The following GPC5 variants were observed in gnomAD, a reference collection of about 807,000 sequenced individuals.
GPC5 encodes glypican 5, also known as glypican-5.
A neutral mutation model predicts 53.9 loss-of-function variants in GPC5; 47 were observed. The observed-to-expected ratio is 0.87, with a 90% confidence interval of 0.69 to 1.11. The LOEUF is 1.11. GPC5 is among the 50% of genes most tolerant of loss of function. The pLI is 0.00. For synonymous variants in GPC5, 286 were observed against 263.3 expected, an observed-to-expected ratio of 1.09 and a Z score of -0.84; for missense variants, 748 against 713.1, an observed-to-expected ratio of 1.05 and a Z score of -0.56.
At chr13:92,601,793 T>C (rs1231266819) in intron 7 of GPC5, among the ~76,000 whole-genome samples, 1 of 151,950 alleles carries the variant, frequency 6.6e-6, no homozygotes, top group Non-Finnish European at 1.5e-5. Context: ...TTTTAGAGGC[T>C]AAATTTGTGG....
intron 7 of GPC5, among the ~76,000 whole-genome samples, chr13:92,659,678 T>C (rs535318435): frequency 9.2e-5 from 14 of 152,302 alleles, no homozygotes; most frequent in African/African-American, 3.4e-4. Context: ...TTGGTGCAAT[T>C]ACTTCAATAA....
chr13:92,426,251 G>T (rs1876827867), intron 7 of GPC5, among the ~76,000 whole-genome samples: 1 of 152,040 alleles, frequency 6.6e-6, no homozygotes, highest in African/African-American at 2.4e-5. Flanking sequence ...AGCACTGAAA[G>T]TCACTCTATA....
intron 7 of GPC5, among the ~76,000 whole-genome samples, chr13:92,665,252 T>C (rs191840363): frequency 3.9e-5 from 6 of 152,298 alleles, no homozygotes; most frequent in South Asian, 2.1e-4. Flanking sequence ...GGACAGTGTT[T>C]AGTTTTTATG....
intron 5 of GPC5, among the ~76,000 whole-genome samples, chr13:91,843,029 T>A (rs1435265957): frequency 6.6e-6 from 1 of 152,196 alleles, no homozygotes; most frequent in Non-Finnish European, 1.5e-5. Flanking sequence ...TCTCCTTTTT[T>A]TCTATTTTTA....
At chr13:92,690,377 C>T (rs1465922355) in intron 7 of GPC5, among the ~76,000 whole-genome samples, 1 of 90,714 alleles carries the variant, frequency 1.1e-5, no homozygotes, top group African/African-American at 4.8e-5. Flanking sequence ...GAGGCTTCTG[C>T]ATTCTTCACG....
chr13:92,663,652 CTA>C (rs533228405), intron 7 of GPC5, among the ~76,000 whole-genome samples: 2,706 of 134,780 alleles, frequency 0.02, 87 homozygotes, highest in African/African-American at 0.07. Flanking sequence ...TATATATATA[CTA>C]TATATATATA....
intron 7 of GPC5, among the ~76,000 whole-genome samples, chr13:92,467,699 AT>A (rs1055079685): frequency 6.6e-6 from 1 of 152,082 alleles, no homozygotes. Flanking sequence ...CTAGAGTCGT[AT>A]TTTTAACTGC....
chr13:92,239,250 CTG>C (rs1288872494), intron 7 of GPC5, among the ~76,000 whole-genome samples: 3 of 151,348 alleles, frequency 2.0e-5, no homozygotes, highest in African/African-American at 4.9e-5. Context: ...AAGAAGCAAG[CTG>C]ACTTTTTAAT....
chr13:92,682,163 C>G (rs1180700965), intron 7 of GPC5, among the ~76,000 whole-genome samples: 2 of 152,178 alleles, frequency 1.3e-5, no homozygotes, highest in Non-Finnish European at 2.9e-5. Flanking sequence ...TAGACTGATT[C>G]AACTGAAGTT....
At chr13:92,112,175 G>A (rs1291452972) in intron 6 of GPC5, among the ~76,000 whole-genome samples, 1 of 152,036 alleles carries the variant, frequency 6.6e-6, no homozygotes, top group African/African-American at 2.4e-5. Flanking sequence ...AGCATCCAGG[G>A]GTTCAAAGAG....
chr13:92,182,144 A>T (rs1204117443), intron 7 of GPC5, among the ~76,000 whole-genome samples: 1 of 152,204 alleles, frequency 6.6e-6, no homozygotes, highest in African/African-American at 2.4e-5. Flanking sequence ...AGAGAAATTC[A>T]GAGCTAATGG....
intron 7 of GPC5, among the ~76,000 whole-genome samples, chr13:92,245,370 T>G (rs1161777856): frequency 6.6e-6 from 1 of 152,162 alleles, no homozygotes; most frequent in Non-Finnish European, 1.5e-5. Context: ...TTTCTACCAT[T>G]TATCCCCACT....
intron 1 of GPC5, among the ~76,000 whole-genome samples, chr13:91,399,532 C>T (rs1876767326): frequency 6.6e-6 from 1 of 152,172 alleles, no homozygotes; most frequent in Non-Finnish European, 1.5e-5. Flanking sequence ...AGTCTAACTC[C>T]GTTTCTCTTC....
chr13:91,863,328 A>G (rs2039050372), intron 5 of GPC5, among the ~76,000 whole-genome samples: 1 of 151,964 alleles, frequency 6.6e-6, no homozygotes, highest in Non-Finnish European at 1.5e-5. Flanking sequence ...CTATTTCTAG[A>G]TTCTGTTATT....
At chr13:92,357,708 G>A (rs896744305) in intron 7 of GPC5, among the ~76,000 whole-genome samples, 1 of 151,580 alleles carries the variant, frequency 6.6e-6, no homozygotes, top group Non-Finnish European at 1.5e-5. Context: ...AGAGGAAGGA[G>A]GCACATGGCC....
intron 2 of GPC5, among the ~76,000 whole-genome samples, chr13:91,562,339 A>T (rs2031312892): frequency 6.6e-6 from 1 of 152,132 alleles, no homozygotes; most frequent in African/African-American, 2.4e-5. Context: ...TCATTCAACG[A>T]TGTGTGTGCA....
chr13:91,776,608 C>G (rs1185986067), intron 5 of GPC5, among the ~76,000 whole-genome samples: 4 of 152,158 alleles, frequency 2.6e-5, no homozygotes, highest in Admixed American at 2.6e-4. Flanking sequence ...AGCAGCAACT[C>G]GCAGAGCAAA....
chr13:92,328,034 T>C (rs889886283), intron 7 of GPC5, among the ~76,000 whole-genome samples: 10 of 152,184 alleles, frequency 6.6e-5, no homozygotes, highest in African/African-American at 2.4e-4. Context: ...ACTGTGCTTC[T>C]TCAGGGCAAA....
intron 7 of GPC5, among the ~76,000 whole-genome samples, chr13:92,282,007 T>G (rs1430587620): frequency 1.3e-5 from 2 of 152,276 alleles, no homozygotes; most frequent in East Asian, 3.9e-4. Context: ...GAAAAAAGAT[T>G]AGACAAATGG....
Sources: gnomAD v4.1 joint callset for allele counts (sites outside exome capture counted in the v4.1 genomes callset) on GRCh38, gnomAD v4.1.1 for gene constraint, MANE v1.5 for transcripts, NCBI Gene and HGNC (gene_info 2026-07-23, HGNC 2026-07-21) for gene names.